Variants in LRMDA observed in about 807,000 individuals in gnomAD.
The protein encoded by LRMDA is leucine rich melanocyte differentiation associated.
LRMDA carries 18 observed loss-of-function variants against 29.8 expected under a neutral mutation model. The ratio of observed to expected loss-of-function variants is 0.60; its 90% CI spans 0.42 to 0.90. LRMDA has a LOEUF of 0.90. Ranked by LOEUF, LRMDA falls within the 40% of genes least tolerant of loss-of-function variation. LRMDA has a pLI of 0.00. For missense variants in LRMDA, 273 were observed against 273.9 expected (o/e 1.00, Z 0.02); for synonymous variants, 125 against 109.4 (o/e 1.14, Z -0.89).
chr10:76,514,016 C>T (rs943457787), intron 6 of LRMDA, among the ~76,000 whole-genome samples: 2 of 152,006 alleles, frequency 1.3e-5, no homozygotes, highest in African/African-American at 2.4e-5. Context: ...GAATTGTTTC[C>T]CTGAACCTAT....
chr10:75,960,219 A>G (rs1241776271), intron 2 of LRMDA, among the ~76,000 whole-genome samples: 1 of 152,216 alleles, frequency 6.6e-6, no homozygotes, highest in African/African-American at 2.4e-5. Flanking sequence ...AATTCATACT[A>G]AAGTGTGAAT....
At position 76,387,663 on chromosome 10, in the gene LRMDA, C is replaced by A. The variant is rs148629859; in HGVS notation, c.601+63178C>A. On this transcript the variant is annotated intron_variant, in intron 6 of 6. Coordinates refer to ENST00000611255, the MANE Select transcript of LRMDA (RefSeq NM_001305581.2). ...TATTATTTAACCCACAAAAATAAGT[C>A]TTTTTAAACTTAAATTTAAATTTTT... is the stretch of plus-strand genomic sequence containing the variant. 6.4e-3 allele frequency among the ~76,000 whole-genome samples: 967 copies of A among 150,754 alleles called. 6 individuals are homozygous for A. The highest frequency in any genetic ancestry group is 0.022 in the African/African-American group (897 of 41,120).
chr10:76,329,566 A>T (rs1360463512), intron 6 of LRMDA, among the ~76,000 whole-genome samples: 1 of 152,194 alleles, frequency 6.6e-6, no homozygotes, highest in Non-Finnish European at 1.5e-5. Flanking sequence ...TTCTACTTTG[A>T]CTATTGTTGG....
At chr10:75,536,913 A>T (rs1350209855) in intron 2 of LRMDA, among the ~76,000 whole-genome samples, 1 of 151,956 alleles carries the variant, frequency 6.6e-6, no homozygotes, top group African/African-American at 2.4e-5. Context: ...AACTCTGAGA[A>T]CTTTGAGGAC....
At chr10:75,697,834 A>AGT (rs377639647) in intron 2 of LRMDA, among the ~76,000 whole-genome samples, 58 of 132,136 alleles carry the variant, frequency 4.4e-4, no homozygotes, top group Middle Eastern at 4.1e-3. Context: ...TGCATGTAAG[A>AGT]GTGTGTGTGT....
At position 76,025,083 on chromosome 10, in the gene LRMDA, C is replaced by T. The variant is rs573123917; in HGVS notation, c.132-10925C>T. 3.3e-4 allele frequency among the ~76,000 whole-genome samples: 50 copies of T among 152,132 alleles called. 1 individual carries two copies. The highest frequency in any genetic ancestry group is 3.4e-3 in the Middle Eastern group (1 of 294). ...AGACTCTTAAAAACAAACAAGATCC[C>T]GAGGCCACAGGCTCCATGCGTGCAT... On this transcript the variant is annotated intron_variant, in intron 2 of 6. Coordinates refer to ENST00000611255, the MANE Select transcript of LRMDA (RefSeq NM_001305581.2).
At chr10:76,171,563 C>G (rs931848159) in intron 5 of LRMDA, among the ~76,000 whole-genome samples, 2 of 152,180 alleles carry the variant, frequency 1.3e-5, no homozygotes, top group Non-Finnish European at 2.9e-5. Context: ...CTCCACTACC[C>G]ACTGCTCTGG....
At chr10:75,483,103 C>T (rs913078421) in intron 2 of LRMDA, among the ~76,000 whole-genome samples, 3 of 152,082 alleles carry the variant, frequency 2.0e-5, no homozygotes, top group Non-Finnish European at 4.4e-5. Flanking sequence ...CACCACCACA[C>T]CTGGCTAATT....
intron 6 of LRMDA, among the ~76,000 whole-genome samples, chr10:76,543,599 G>A (rs970255931): frequency 3.3e-5 from 5 of 151,868 alleles, no homozygotes; most frequent in Admixed American, 3.3e-4. Context: ...CACTTCATTC[G>A]CAACTGCCCA....
intron 2 of LRMDA, among the ~76,000 whole-genome samples, chr10:75,610,347 A>G (rs759277541): frequency 2.6e-5 from 4 of 151,610 alleles, no homozygotes; most frequent in Non-Finnish European, 5.9e-5. Context: ...CACATCCCTC[A>G]CCACAAACAC....
intron 5 of LRMDA, among the ~76,000 whole-genome samples, chr10:76,266,808 G>T (rs1247469): frequency 0.48 from 72,534 of 151,992 alleles, 18,085 homozygotes; most frequent in South Asian, 0.63. Flanking sequence ...ACATTGAATG[G>T]ATGACAATTT....
intron 6 of LRMDA, among the ~76,000 whole-genome samples, chr10:76,468,065 T>C (rs1466602616): frequency 1.3e-5 from 2 of 152,148 alleles, no homozygotes; most frequent in Non-Finnish European, 2.9e-5. Context: ...TAATTGTCAG[T>C]TTTACTTTAA....
At chr10:75,977,501 C>T (rs1463258937) in intron 2 of LRMDA, among the ~76,000 whole-genome samples, 1 of 152,174 alleles carries the variant, frequency 6.6e-6, no homozygotes, top group East Asian at 1.9e-4. Flanking sequence ...TTTTCTGAAT[C>T]TTCTTTTTGG....
intron 2 of LRMDA, among the ~76,000 whole-genome samples, chr10:75,558,266 G>C (rs965829060): frequency 9.9e-5 from 15 of 151,900 alleles, no homozygotes; most frequent in Non-Finnish European, 2.1e-4. Context: ...AGGCAGTTTG[G>C]GGGTTAAGTG....
At position 76,507,339 on chromosome 10, in the gene LRMDA, G is replaced by T. The variant is rs536826963; in HGVS notation, c.602-49870G>T. Among the ~76,000 whole-genome samples, 9 of 147,702 alleles carry T rather than the reference G, an allele frequency of 6.1e-5. No homozygotes were observed. In the East Asian group the frequency reaches 1.0e-3, roughly 17 times the overall value. On this transcript the variant is annotated intron_variant, in intron 6 of 6. Transcript: ENST00000611255. Reference sequence around the variant, plus strand: ...TGCTATTGATTTCCTTATGTATTTTGGTTGTTAATCCCTTGGCACATGTAT... The same window carrying T: ...TGCTATTGATTTCCTTATGTATTTTTGTTGTTAATCCCTTGGCACATGTAT...
chr10:76,098,696 A>G (rs1849351884), intron 5 of LRMDA, among the ~76,000 whole-genome samples: 1 of 152,198 alleles, frequency 6.6e-6, no homozygotes, highest in African/African-American at 2.4e-5. Context: ...TTGCCTAGAC[A>G]GAGCCAATTT....
At chr10:75,777,990 C>T (rs1010858141) in intron 2 of LRMDA, among the ~76,000 whole-genome samples, 8 of 152,152 alleles carry the variant, frequency 5.3e-5, no homozygotes, top group Admixed American at 1.3e-4. Flanking sequence ...GGGGAGGGAA[C>T]AGTAAACACA....
At chr10:76,202,767 G>T (rs2132234451) in intron 5 of LRMDA, among the ~76,000 whole-genome samples, 1 of 152,030 alleles carries the variant, frequency 6.6e-6, no homozygotes, top group South Asian at 2.1e-4. Context: ...CAATCTGGAG[G>T]AAGGAGCGGA....
intron 5 of LRMDA, among the ~76,000 whole-genome samples, chr10:76,105,407 G>A (rs2132107308): frequency 6.6e-6 from 1 of 151,832 alleles, no homozygotes; most frequent in East Asian, 1.9e-4. Flanking sequence ...TGTGAATGTG[G>A]GCTTATTTGG....
Sources: allele counts gnomAD v4.1 joint callset (sites outside exome capture counted in the v4.1 genomes callset), GRCh38; gene constraint gnomAD v4.1.1; transcripts MANE v1.5; gene names NCBI Gene and HGNC (gene_info 2026-07-23, HGNC 2026-07-21).